The following SLC16A10 variants were observed in gnomAD, a reference collection of about 807,000 sequenced individuals.
SLC16A10 encodes the protein monocarboxylate transporter 10.
Under a neutral mutation model 40.0 loss-of-function variants are expected in SLC16A10, and 27 were observed. The ratio of observed to expected loss-of-function variants is 0.67; its 90% CI spans 0.50 to 0.93. SLC16A10 has a LOEUF of 0.93. SLC16A10 is among the 40% of genes least tolerant of loss of function. SLC16A10 has a pLI of 0.00. For missense variants in SLC16A10, 529 were observed against 658.2 expected, an observed-to-expected ratio of 0.80 and a Z score of 2.15; for synonymous variants, 213 against 249.8, an observed-to-expected ratio of 0.85 and a Z score of 1.39.
intron 1 of SLC16A10, among the ~76,000 whole-genome samples, chr6:111,153,545 A>G (rs63676362): frequency 6.8e-6 from 1 of 146,276 alleles, no homozygotes; most frequent in East Asian, 2.0e-4. Context: ...AAAAAAAAAA[A>G]TTAAATTAAA....
rs1772613116 is a variant in SLC16A10, at chr6:111,172,900, T to C, written c.488+61T>C. On this transcript the variant is annotated intron_variant, in intron 2 of 5. Coordinates refer to ENST00000368851, the MANE Select transcript of SLC16A10 (RefSeq NM_018593.5). ...ACTGTTAGATACCTTAAAGTTTTAC[T>C]TTCAGAAACTATGCTATTTACAAGC... 3.9e-6 allele frequency: 6 copies of C among 1,554,930 alleles called. No individual in the cohort carries two copies. The South Asian group carries it at 7.3e-5, about 19-fold the overall frequency.
intron 1 of SLC16A10, among the ~76,000 whole-genome samples, chr6:111,168,138 C>T (rs1772512976): frequency 6.6e-6 from 1 of 152,152 alleles, no homozygotes. Context: ...CGCCACCACA[C>T]CCAGCTAATT....
At chr6:111,118,574 G>A (rs1170210236) in intron 1 of SLC16A10, among the ~76,000 whole-genome samples, 6 of 151,884 alleles carry the variant, frequency 4.0e-5, no homozygotes, top group Non-Finnish European at 7.4e-5. Context: ...CCAGCTACTT[G>A]GGAGGCTGAG....
At chr6:111,124,356 A>C (rs947213816) in intron 1 of SLC16A10, among the ~76,000 whole-genome samples, 2 of 142,456 alleles carry the variant, frequency 1.4e-5, no homozygotes, top group Admixed American at 7.0e-5. Flanking sequence ...CAATAGAGTG[A>C]TTTTTTTTTT....
intron 3 of SLC16A10, among the ~76,000 whole-genome samples, chr6:111,192,098 A>G (rs1176619395): frequency 6.6e-6 from 1 of 152,136 alleles, no homozygotes; most frequent in Non-Finnish European, 1.5e-5. Flanking sequence ...GCCCATGCCT[A>G]TGTCCTGAAT....
At chr6:111,094,995 C>G (rs12198881) in intron 1 of SLC16A10, among the ~76,000 whole-genome samples, 5,932 of 152,260 alleles carry the variant, frequency 0.039, 132 homozygotes, top group Admixed American at 0.072. Flanking sequence ...GATTGCTTGT[C>G]CTCAGTTGTA....
At chr6:111,138,078 A>G (rs1771914963) in intron 1 of SLC16A10, among the ~76,000 whole-genome samples, 1 of 152,144 alleles carries the variant, frequency 6.6e-6, no homozygotes, top group Non-Finnish European at 1.5e-5. Context: ...CTGCACAAAA[A>G]CCAAACCAAA....
chr6:111,161,262 T>C (rs1426883342), intron 1 of SLC16A10, among the ~76,000 whole-genome samples: 1 of 133,252 alleles, frequency 7.5e-6, no homozygotes, highest in Admixed American at 7.6e-5. Flanking sequence ...GGTAGGTATG[T>C]GTAAAATAGG....
intron 1 of SLC16A10, among the ~76,000 whole-genome samples, chr6:111,119,248 G>A (rs549615797): frequency 3.3e-5 from 5 of 152,270 alleles, no homozygotes; most frequent in African/African-American, 1.2e-4. Context: ...ATATAGAGAT[G>A]CTTCATTTTA....
chr6:111,106,292 C>T (rs1771283558), intron 1 of SLC16A10, among the ~76,000 whole-genome samples: 1 of 152,130 alleles, frequency 6.6e-6, no homozygotes, highest in African/African-American at 2.4e-5. Flanking sequence ...TTGATATTGA[C>T]TTCAAAACAT....
At chr6:111,130,654 T>C (rs1275877991) in intron 1 of SLC16A10, among the ~76,000 whole-genome samples, 1 of 152,224 alleles carries the variant, frequency 6.6e-6, no homozygotes, top group African/African-American at 2.4e-5. Context: ...CTCTGTTTCC[T>C]CGAGTGTGTT....
intron 1 of SLC16A10, among the ~76,000 whole-genome samples, chr6:111,114,100 G>A (rs1009348886): frequency 1.3e-5 from 2 of 151,166 alleles, no homozygotes; most frequent in East Asian, 1.9e-4. Flanking sequence ...TCTTTTTTTT[G>A]TATTTCCATC....
At chr6:111,124,586 C>A (rs1466773687) in intron 1 of SLC16A10, among the ~76,000 whole-genome samples, 1 of 152,202 alleles carries the variant, frequency 6.6e-6, no homozygotes, top group Non-Finnish European at 1.5e-5. Flanking sequence ...TAGTCTCCAA[C>A]TCCTGGGCTC....
intron 1 of SLC16A10, among the ~76,000 whole-genome samples, chr6:111,120,039 C>A (rs1771556163): frequency 6.6e-6 from 1 of 152,134 alleles, no homozygotes; most frequent in Non-Finnish European, 1.5e-5. Flanking sequence ...GAAATGTAGA[C>A]TAGAAATATA....
At position 111,224,075 on chromosome 6, in the gene SLC16A10, A is replaced by T. The variant is rs1770948986; in HGVS notation, c.*1840A>T. On this transcript the variant is annotated 3_prime_UTR_variant, in exon 6 of 6. Coordinates refer to ENST00000368851, the MANE Select transcript of SLC16A10 (RefSeq NM_018593.5). ...GGTAACATAATGAGACCCTGTGTCT[A>T]CAAAAAATTTAAAAATTAGCCAGGC... 6.6e-6 allele frequency: 1 copy of T among 152,240 alleles called. No individual in the cohort carries two copies. The highest frequency in any genetic ancestry group is 6.5e-5 in the Admixed American group (1 of 15,280). 9.4% of individuals were successfully genotyped at this position (152,240 alleles called of 1,614,324 possible).
At position 111,221,864 on chromosome 6, in the gene SLC16A10, G is replaced by A. The variant is rs193282; in HGVS notation, c.1316-139G>A. On this transcript the variant is annotated intron_variant, in intron 5 of 5. Transcript: ENST00000368851. Reference sequence around the variant, plus strand: ...GAGATCTTTTTCTTCCTATCAAAAAGGGTTTATATTTCAGATCTGTTTCCT... The same window carrying A: ...GAGATCTTTTTCTTCCTATCAAAAAAGGTTTATATTTCAGATCTGTTTCCT... The A allele has an allele frequency of 0.54, 350,200 of 645,328 alleles. 96,944 individuals carry two copies. The highest frequency in any genetic ancestry group is 0.67 in the East Asian group (19,904 of 29,542). The allele number at this position is 645,328 out of a possible 1,614,324, so 40.0% of individuals were successfully genotyped here.
chr6:111,139,353 G>A (rs994365126), intron 1 of SLC16A10, among the ~76,000 whole-genome samples: 1 of 152,086 alleles, frequency 6.6e-6, no homozygotes, highest in African/African-American at 2.4e-5. Context: ...CCAGGCTGGA[G>A]TTCAGTGGCG....
intron 3 of SLC16A10, among the ~76,000 whole-genome samples, chr6:111,192,155 C>T (rs530839722): frequency 3.9e-5 from 6 of 152,190 alleles, no homozygotes; most frequent in African/African-American, 1.4e-4. Context: ...TCTGTTGCAT[C>T]GTCAGGCTGC....
At chr6:111,142,408 A>G (rs891337704) in intron 1 of SLC16A10, among the ~76,000 whole-genome samples, 5 of 152,218 alleles carry the variant, frequency 3.3e-5, no homozygotes, top group African/African-American at 1.2e-4. Context: ...AAAACTATAC[A>G]AATTTCTGCT....
Sources: gnomAD v4.1 joint callset for allele counts (sites outside exome capture counted in the v4.1 genomes callset) on GRCh38, gnomAD v4.1.1 for gene constraint, MANE v1.5 for transcripts, NCBI Gene and HGNC (gene_info 2026-07-23, HGNC 2026-07-21) for gene names.